DENND1B: variants seen among roughly 807,000 people sequenced by gnomAD.
DENND1B encodes the protein DENN domain containing 1B.
DENND1B carries 59 observed loss-of-function variants against 90.1 expected under a neutral mutation model. The observed-to-expected ratio is 0.65, with a 90% CI of 0.53 to 0.81. The LOEUF (loss-of-function observed/expected upper bound fraction) is 0.81, where lower values mean the gene tolerates loss of function less well. Ranked by LOEUF, DENND1B falls within the 40% of genes least tolerant of loss-of-function variation. The probability of loss-of-function intolerance (pLI) is 0.00; values close to 1 mark genes in which losing one functional copy is unlikely to be tolerated. For synonymous variants in DENND1B, 337 were observed against 324.6 expected, an observed-to-expected ratio of 1.04 and a Z score of -0.41; for missense variants, 862 against 912.6, an observed-to-expected ratio of 0.94 and a Z score of 0.71.
intron 2 of DENND1B, among the ~76,000 whole-genome samples, chr1:197,717,834 G>A (rs1660786587): frequency 6.6e-6 from 1 of 151,914 alleles, no homozygotes; most frequent in Non-Finnish European, 1.5e-5. Context: ...AGAGTATGCA[G>A]TAAAAGAGCT....
chr1:197,562,907 C>T (rs1042984263), intron 15 of DENND1B, among the ~76,000 whole-genome samples: 8 of 151,878 alleles, frequency 5.3e-5, no homozygotes, highest in African/African-American at 7.2e-5. Flanking sequence ...AGATGGAGAA[C>T]GTTTGAGTGG....
At chr1:197,724,247 TA>T (rs962155682) in intron 2 of DENND1B, among the ~76,000 whole-genome samples, 9 of 152,052 alleles carry the variant, frequency 5.9e-5, no homozygotes, top group Non-Finnish European at 1.3e-4. Flanking sequence ...GAATAACTGC[TA>T]AAAATATTTT....
intron 2 of DENND1B, among the ~76,000 whole-genome samples, chr1:197,758,544 T>C (rs1571644151): frequency 6.6e-6 from 1 of 152,242 alleles, no homozygotes; most frequent in Admixed American, 6.5e-5. Flanking sequence ...GCAAATATTT[T>C]ACAAATGTGA....
At chr1:197,646,950 A>G (rs1680775718) in intron 8 of DENND1B, 105 bp downstream of exon 8, 1 of 773,044 alleles carries the variant, frequency 1.3e-6, no homozygotes, top group Admixed American at 4.0e-5. Context: ...AGTCAAATTC[A>G]CCATTTCCCA....
chr1:197,549,815 A>T (rs991334225), intron 16 of DENND1B, among the ~76,000 whole-genome samples: 28 of 152,144 alleles, frequency 1.8e-4, no homozygotes, highest in Admixed American at 1.8e-3. Context: ...GATTTCCTTA[A>T]TAGTCCTGAT....
chr1:197,539,826 C>T (rs1670199249), intron 20 of DENND1B, 138 bp downstream of exon 20: 3 of 670,462 alleles, frequency 4.5e-6, no homozygotes, highest in Admixed American at 5.9e-5. Flanking sequence ...CCAGGTTCCA[C>T]TAACTCCTCC....
intron 9 of DENND1B, 28 bp from the exon 10 acceptor site, chr1:197,642,849 G>A (rs1680387359): frequency 6.5e-7 from 1 of 1,528,874 alleles, no homozygotes; most frequent in African/African-American, 1.4e-5. Flanking sequence ...AATTGTGTAA[G>A]TTACAGCTCA....
At chr1:197,684,358 C>A (rs1025176867) in intron 3 of DENND1B, among the ~76,000 whole-genome samples, 9 of 152,176 alleles carry the variant, frequency 5.9e-5, no homozygotes, top group Admixed American at 5.9e-4. Flanking sequence ...CCTGAAGCTT[C>A]AAACCATTAT....
chr1:197,777,368 T>G (rs919875496), upstream of DENND1B, among the ~76,000 whole-genome samples: 3 of 152,178 alleles, frequency 2.0e-5, no homozygotes, highest in African/African-American at 7.2e-5. Context: ...TCGAGGGAAA[T>G]ACTACACATT....
intron 10 of DENND1B, among the ~76,000 whole-genome samples, chr1:197,638,739 C>T (rs1012668791): frequency 2.0e-5 from 3 of 152,162 alleles, no homozygotes; most frequent in South Asian, 2.1e-4. Context: ...TACCAAGATT[C>T]GCTTGGGGCT....
intron 3 of DENND1B, among the ~76,000 whole-genome samples, chr1:197,707,790 T>C (rs2102198185): frequency 6.8e-6 from 1 of 147,264 alleles, no homozygotes; most frequent in East Asian, 2.0e-4. Context: ...AGAAGACGGG[T>C]GATTTCTGCA....
intron 7 of DENND1B, among the ~76,000 whole-genome samples, chr1:197,650,794 C>T (rs1265372108): frequency 6.6e-6 from 1 of 152,140 alleles, no homozygotes; most frequent in Non-Finnish European, 1.5e-5. Flanking sequence ...TATGTTCTCA[C>T]TGATATGCGG....
intron 15 of DENND1B, among the ~76,000 whole-genome samples, chr1:197,563,011 T>A (rs1047704109): frequency 1.3e-5 from 2 of 151,802 alleles, no homozygotes; most frequent in Non-Finnish European, 2.9e-5. Flanking sequence ...ATATGAAGGG[T>A]GAGACATGTG....
chr1:197,599,650 A>G (rs888322867), intron 13 of DENND1B, among the ~76,000 whole-genome samples: 3 of 151,886 alleles, frequency 2.0e-5, no homozygotes, highest in African/African-American at 7.2e-5. Context: ...CACTTTTTTA[A>G]CCTTTCTAAA....
At chr1:197,719,121 G>A (rs186735472) in intron 2 of DENND1B, among the ~76,000 whole-genome samples, 4 of 152,256 alleles carry the variant, frequency 2.6e-5, no homozygotes, top group South Asian at 2.1e-4. Context: ...GGAGGTGGCC[G>A]ATTTAAGATT....
chr1:197,643,128 G>C lies in DENND1B; in HGVS notation c.562-307C>G, dbSNP rs1680418883. 2.6e-5 allele frequency among the ~76,000 whole-genome samples: 4 copies of C among 151,802 alleles called. No homozygotes were observed. The South Asian group carries it at 8.3e-4, about 32-fold the overall frequency. On this transcript the variant is annotated intron_variant, in intron 9 of 22. Coordinates refer to ENST00000620048, the MANE Select transcript of DENND1B (RefSeq NM_001195215.2). ...ATTTCCTGGGACCCAACCTAGAGCTGCTCTGTTGAATTGTCATCTTTAGTG... is the reference window on the plus strand; with the variant it reads ...ATTTCCTGGGACCCAACCTAGAGCTCCTCTGTTGAATTGTCATCTTTAGTG...
intron 11 of DENND1B, among the ~76,000 whole-genome samples, chr1:197,614,645 G>A (rs1319657484): frequency 6.6e-6 from 1 of 150,510 alleles, no homozygotes; most frequent in South Asian, 2.1e-4. Flanking sequence ...CTTAAGAATA[G>A]CTTTTTTTTT....
chr1:197,726,427 T>A lies in DENND1B; in HGVS notation c.83-11353A>T, dbSNP rs191060941. 2.8e-4 allele frequency among the ~76,000 whole-genome samples: 42 copies of A among 152,278 alleles called. 1 individual carries two copies. Among genetic ancestry groups the A allele is most frequent in the Admixed American group, 1.8e-3 (28 of 15,306 alleles). On this transcript the variant is annotated intron_variant, in intron 2 of 22. Coordinates refer to ENST00000620048, the MANE Select transcript of DENND1B (RefSeq NM_001195215.2). ...AGACCTGTGACTAGCAACATCATTA[T>A]GAATGGCAGTCCAGGAGCCAAGTGC...
intron 5 of DENND1B, among the ~76,000 whole-genome samples, chr1:197,669,987 A>G (rs1025258165): frequency 6.6e-5 from 10 of 152,208 alleles, no homozygotes; most frequent in Admixed American, 1.3e-4. Context: ...CTACATATAC[A>G]AGTTTAGAAC....
Sources: allele counts gnomAD v4.1 joint callset (sites outside exome capture counted in the v4.1 genomes callset), GRCh38; gene constraint gnomAD v4.1.1; transcripts MANE v1.5; gene names NCBI Gene and HGNC (gene_info 2026-07-23, HGNC 2026-07-21).